The following CRACDL variants were observed in gnomAD, a reference collection of about 807,000 sequenced individuals.
CRACDL encodes the protein CRACD like, also known as CRACD-like protein.
A neutral mutation model predicts 70.6 loss-of-function variants in CRACDL; 26 were observed. The ratio of observed to expected loss-of-function variants is 0.37; its 90% confidence interval spans 0.27 to 0.51. The LOEUF (loss-of-function observed/expected upper bound fraction) is 0.51, where lower values mean the gene tolerates loss of function less well. Among genes scored for constraint, CRACDL ranks in the 20% least tolerant of loss-of-function variants. CRACDL has a pLI of 0.94. For synonymous variants in CRACDL, 618 were observed against 615.2 expected, an observed-to-expected ratio of 1.00 and a Z score of -0.07; for missense variants, 1,283 against 1,376.9, an observed-to-expected ratio of 0.93 and a Z score of 1.08.
chr2:98,872,827 T>C lies in CRACDL; in HGVS notation c.-10-26017A>G, dbSNP rs139136703. ...GTTTTTATTTTCGTAAAGCTCTTAG[T>C]GCACAGAATAAATAAAGGAAGGATC... On this transcript the variant is annotated intron_variant, in intron 1 of 9. Coordinates refer to ENST00000397899, the MANE Select transcript of CRACDL (RefSeq NM_207362.3). Among the ~76,000 whole-genome samples, 248 of 152,288 alleles carry C rather than the reference T, an allele frequency of 1.6e-3. 4 individuals carry two copies. Among genetic ancestry groups the C allele is most frequent in the Admixed American group, 4.1e-3 (63 of 15,304 alleles).
intron 9 of CRACDL, among the ~76,000 whole-genome samples, chr2:98,794,976 T>A (rs1421798427): frequency 6.8e-6 from 1 of 147,278 alleles, no homozygotes; most frequent in Non-Finnish European, 1.5e-5. Flanking sequence ...ACTACTGAAC[T>A]GAACTGTGCA....
chr2:98,932,481 G>A (rs765269892), intron 1 of CRACDL, among the ~76,000 whole-genome samples: 12 of 152,178 alleles, frequency 7.9e-5, no homozygotes, highest in Non-Finnish European at 1.2e-4. Flanking sequence ...GACCTTTCCG[G>A]CTTGTAGTGA....
intron 1 of CRACDL, among the ~76,000 whole-genome samples, chr2:98,866,334 G>A (rs1707137621): frequency 6.6e-6 from 1 of 152,228 alleles, no homozygotes; most frequent in East Asian, 1.9e-4. Context: ...CTAACTCCAT[G>A]AGGAGAGATA....
At chr2:98,837,612 A>C (rs1175609935) in intron 3 of CRACDL, among the ~76,000 whole-genome samples, 1 of 152,104 alleles carries the variant, frequency 6.6e-6, no homozygotes, top group African/African-American at 2.4e-5. Context: ...AGACCTCCCC[A>C]GTTTTTTGTG....
At chr2:98,910,393 T>C (rs1377987123) in intron 1 of CRACDL, among the ~76,000 whole-genome samples, 9 of 152,046 alleles carry the variant, frequency 5.9e-5, no homozygotes, top group East Asian at 1.9e-4. Flanking sequence ...TGGTGGTGCA[T>C]GCCTGTAATC....
At chr2:98,928,166 C>T (rs957279550) in intron 1 of CRACDL, among the ~76,000 whole-genome samples, 2 of 150,416 alleles carry the variant, frequency 1.3e-5, no homozygotes, top group African/African-American at 2.5e-5. Flanking sequence ...GCCTGGGAGA[C>T]AAAGCAAGAC....
At chr2:98,817,844 C>T (rs1039163655) in intron 7 of CRACDL, among the ~76,000 whole-genome samples, 4 of 152,118 alleles carry the variant, frequency 2.6e-5, no homozygotes, top group African/African-American at 9.7e-5. Flanking sequence ...CAAATGAGGT[C>T]CCCAGGTGAG....
chr2:98,923,564 T>C (rs1317528223), intron 1 of CRACDL, among the ~76,000 whole-genome samples: 1 of 152,204 alleles, frequency 6.6e-6, no homozygotes, highest in Non-Finnish European at 1.5e-5. Flanking sequence ...CAAACACAGA[T>C]CCTTATTTCT....
At chr2:98,900,336 G>T (rs1344721017) in intron 1 of CRACDL, among the ~76,000 whole-genome samples, 1 of 141,888 alleles carries the variant, frequency 7.0e-6, no homozygotes, top group Non-Finnish European at 1.5e-5. Context: ...CAAAGGCTCA[G>T]TAGGAGGGGA....
chr2:98,916,617 C>T (rs915096937), intron 1 of CRACDL, among the ~76,000 whole-genome samples: 1 of 152,052 alleles, frequency 6.6e-6, no homozygotes, highest in East Asian at 1.9e-4. Flanking sequence ...CAGTCTTTTC[C>T]CTACTCCCAC....
At chr2:98,834,910 C>T (rs1705706016) in intron 3 of CRACDL, among the ~76,000 whole-genome samples, 1 of 152,116 alleles carries the variant, frequency 6.6e-6, no homozygotes, top group South Asian at 2.1e-4. Context: ...ACTCACTAAT[C>T]TTATTAGTAG....
intron 1 of CRACDL, among the ~76,000 whole-genome samples, chr2:98,882,432 G>C (rs952393763): frequency 2.6e-5 from 4 of 152,272 alleles, no homozygotes; most frequent in African/African-American, 7.2e-5. Context: ...AGGCCCAGGA[G>C]AGTGAAGCTC....
chr2:98,869,265 A>T, intron 1 of CRACDL: 1 of 1,243,930 alleles, frequency 8.0e-7, no homozygotes, highest in Non-Finnish European at 1.0e-6. Flanking sequence ...CATCTCTCAC[A>T]GAAGTACCCG....
intron 1 of CRACDL, among the ~76,000 whole-genome samples, chr2:98,924,628 C>G (rs1330617542): frequency 1.3e-5 from 2 of 152,142 alleles, no homozygotes; most frequent in African/African-American, 2.4e-5. Flanking sequence ...CACGCTGGGC[C>G]CAGCAAGGTA....
At chr2:98,908,365 T>C (rs1390531082) in intron 1 of CRACDL, 1 of 152,326 alleles carries the variant, frequency 6.6e-6, no homozygotes, top group Non-Finnish European at 1.5e-5. Context: ...TGCCATTCCA[T>C]GTCAACCCTC....
chr2:98,857,849 A>ATGTGTG (rs1558605304), intron 1 of CRACDL, among the ~76,000 whole-genome samples: 10 of 152,182 alleles, frequency 6.6e-5, no homozygotes, highest in African/African-American at 2.4e-4. Flanking sequence ...GTGTATGTGT[A>ATGTGTG]TGTGTGTATA....
rs960742639 is a variant in CRACDL, at chr2:98,848,095, A to G, written c.-10-1285T>C. Among the ~76,000 whole-genome samples the G allele has an allele frequency of 8.5e-5, 13 of 152,340 alleles. No homozygotes were observed. The East Asian group carries it at 1.5e-3, about 18-fold the overall frequency. On this transcript the variant is annotated intron_variant, in intron 1 of 9. Transcript: ENST00000397899. ...ACCAGATTTGACTCATGATCATGCTATCATTATCTATAAAATGAGGGTTGG... is the reference window on the plus strand; with the variant it reads ...ACCAGATTTGACTCATGATCATGCTGTCATTATCTATAAAATGAGGGTTGG...
At chr2:98,907,724 GA>G (rs1220316725) in intron 1 of CRACDL, among the ~76,000 whole-genome samples, 2 of 152,172 alleles carry the variant, frequency 1.3e-5, no homozygotes, top group East Asian at 1.9e-4. Flanking sequence ...TTCCATTCTC[GA>G]AAACAGTTCC....
At chr2:98,903,584 C>T (rs1249012736) in intron 1 of CRACDL, among the ~76,000 whole-genome samples, 1 of 152,124 alleles carries the variant, frequency 6.6e-6, no homozygotes, top group Non-Finnish European at 1.5e-5. Flanking sequence ...AGTGGGCATG[C>T]GGAGGAGACA....
Sources: allele counts gnomAD v4.1 joint callset (sites outside exome capture counted in the v4.1 genomes callset), GRCh38; gene constraint gnomAD v4.1.1; transcripts MANE v1.5; gene names NCBI Gene and HGNC (gene_info 2026-07-23, HGNC 2026-07-21).